The following TSPAN18 variants were observed in gnomAD, a reference collection of about 807,000 sequenced individuals.
TSPAN18 encodes the protein tetraspanin 18.
In TSPAN18, 14 loss-of-function variants were observed where a neutral mutation model predicts 27.3. That is an observed-to-expected ratio of 0.51 (90% confidence interval 0.34 to 0.80). The LOEUF (loss-of-function observed/expected upper bound fraction) is 0.80. TSPAN18 is among the 30% of genes least tolerant of loss of function. The pLI is 0.01. For synonymous variants in TSPAN18, 143 were observed against 136.5 expected (o/e 1.05, Z -0.33); for missense variants, 268 against 323.9 (o/e 0.83, Z 1.32).
At chr11:44,872,728 A>C (rs1590611623) in intron 3 of TSPAN18, among the ~76,000 whole-genome samples, 1 of 152,354 alleles carries the variant, frequency 6.6e-6, no homozygotes, top group East Asian at 1.9e-4. Context: ...TATTATACAA[A>C]AGGGAACTGA....
At position 44,908,775 on chromosome 11, in the gene TSPAN18, GA is replaced by G. The variant is rs1347026262; in HGVS notation, c.64-927del. 2.4e-4 allele frequency among the ~76,000 whole-genome samples: 23 copies of G among 94,680 alleles called. 1 individual carries two copies. The highest frequency in any genetic ancestry group is 3.9e-4 in the Non-Finnish European group (19 of 49,260). The allele number at this position is 94,680 out of a possible 152,430, so 62.1% of individuals were successfully genotyped here. A position where few individuals can be genotyped will look rare whatever the true frequency, so the allele number is the denominator to read the frequency against. Reference sequence around the variant, plus strand: ...GAGAGAGAGAGAGAGAAAGGAGAAAGAAAGAAAGAAAGAAAGAAAGAAAGAA... The same window carrying G: ...GAGAGAGAGAGAGAGAAAGGAGAAAGAAGAAAGAAAGAAAGAAAGAAAGAA... On this transcript the variant is annotated intron_variant, in intron 4 of 9. Transcript: ENST00000520358.
chr11:44,753,214 C>T (rs1392667214), intron 1 of TSPAN18, among the ~76,000 whole-genome samples: 1 of 152,048 alleles, frequency 6.6e-6, no homozygotes. Context: ...CTGCAACCTC[C>T]GACTCCCTGG....
chr11:44,908,791 G>GAA (rs869083723), intron 4 of TSPAN18, among the ~76,000 whole-genome samples: 9 of 59,228 alleles, frequency 1.5e-4, no homozygotes, highest in African/African-American at 5.3e-4. Flanking sequence ...AAGAAAGAAA[G>GAA]AAAGAAAGAA....
chr11:44,737,014 G>A lies in TSPAN18; in HGVS notation c.-240+9727G>A, dbSNP rs551158513. ...TTTGGTTTTCCATGGAGCCTGCAGC[G>A]TGGAGCTCAGTGCCTGGGGTTGAAC... On this transcript the variant is annotated intron_variant, in intron 1 of 9. Coordinates refer to ENST00000520358, the MANE Select transcript of TSPAN18 (RefSeq NM_130783.5). Among the ~76,000 whole-genome samples the A allele has an allele frequency of 1.1e-4, 16 of 152,346 alleles. No homozygotes were observed. The South Asian group carries it at 2.1e-3, about 20-fold the overall frequency.
intron 2 of TSPAN18, among the ~76,000 whole-genome samples, chr11:44,809,290 A>G (rs1187978232): frequency 6.6e-6 from 1 of 151,434 alleles, no homozygotes; most frequent in Non-Finnish European, 1.5e-5. Flanking sequence ...GAGCACTCAT[A>G]TATTTTCCCA....
chr11:44,882,627 C>CACACAGAGAGAG (rs375349718), intron 3 of TSPAN18, among the ~76,000 whole-genome samples: 41 of 130,604 alleles, frequency 3.1e-4, no homozygotes, highest in Non-Finnish European at 6.2e-4. Flanking sequence ...CACACACACA[C>CACACAGAGAGAG]AGAGAGAGAG....
chr11:44,779,096 C>T (rs571126085), intron 2 of TSPAN18, among the ~76,000 whole-genome samples: 39 of 152,246 alleles, frequency 2.6e-4, no homozygotes, highest in Non-Finnish European at 4.4e-5. Flanking sequence ...ATGTATCTGT[C>T]CTGGGAGCCT....
intron 3 of TSPAN18, among the ~76,000 whole-genome samples, chr11:44,867,275 C>T (rs1290384899): frequency 6.6e-6 from 1 of 151,886 alleles, no homozygotes; most frequent in East Asian, 1.9e-4. Context: ...TTGAGGGTCC[C>T]TGAGGGCAAC....
chr11:44,861,545 A>G (rs1857886513), intron 3 of TSPAN18, among the ~76,000 whole-genome samples: 1 of 106,660 alleles, frequency 9.4e-6, no homozygotes, highest in Non-Finnish European at 1.9e-5. Flanking sequence ...GTCAGCCTGA[A>G]TGCATGAGAG....
At chr11:44,881,333 C>T (rs1273802680) in intron 3 of TSPAN18, among the ~76,000 whole-genome samples, 1 of 152,126 alleles carries the variant, frequency 6.6e-6, no homozygotes, top group Non-Finnish European at 1.5e-5. Flanking sequence ...CTTCCCAGAC[C>T]CCAGACCCCT....
intron 1 of TSPAN18, among the ~76,000 whole-genome samples, chr11:44,744,860 C>T (rs1363702313): frequency 2.0e-5 from 3 of 152,160 alleles, no homozygotes; most frequent in East Asian, 3.9e-4. Flanking sequence ...CTTTTCATCG[C>T]AAATGCCAAC....
At chr11:44,884,419 G>C (rs891397210) in intron 3 of TSPAN18, among the ~76,000 whole-genome samples, 6 of 152,182 alleles carry the variant, frequency 3.9e-5, no homozygotes, top group African/African-American at 7.2e-5. Flanking sequence ...GGGTAGAGGG[G>C]CTTGCTGTTT....
Position 44,882,613 on chromosome 11 carries a change from CACACACACACACACAG to C in TSPAN18, c.-11+22146_-11+22161del, listed in dbSNP as rs1459712923. Among the ~76,000 whole-genome samples, 4 of 114,022 alleles carry C rather than the reference CACACACACACACACAG, an allele frequency of 3.5e-5. No homozygotes were observed. In the East Asian group the frequency reaches 8.5e-4, roughly 24 times the overall value. 74.8% of individuals were successfully genotyped at this position (114,022 alleles called of 152,430 possible). A position where few individuals can be genotyped will look rare whatever the true frequency, so the allele number is the denominator to read the frequency against. On this transcript the variant is annotated intron_variant, in intron 3 of 9. Coordinates refer to ENST00000520358, the MANE Select transcript of TSPAN18 (RefSeq NM_130783.5). ...ACACACACACACACACACACACACA[CACACACACACACACAG>C]AGAGAGAGCATGTGCGTGCATGTAT...
chr11:44,903,681 C>T (rs781290577), intron 3 of TSPAN18: 8 of 455,550 alleles, frequency 1.8e-5, no homozygotes, highest in Non-Finnish European at 3.1e-5. Flanking sequence ...AGGATGATGT[C>T]ATCCGATTTT....
intron 3 of TSPAN18, among the ~76,000 whole-genome samples, chr11:44,862,722 A>ACCAT (rs968589791): frequency 6.6e-6 from 1 of 152,200 alleles, no homozygotes; most frequent in Non-Finnish European, 1.5e-5. Flanking sequence ...GATGTCTCAG[A>ACCAT]CAGTGCTAAA....
chr11:44,837,580 G>T (rs1290544801), intron 2 of TSPAN18, among the ~76,000 whole-genome samples: 1 of 152,222 alleles, frequency 6.6e-6, no homozygotes, highest in African/African-American at 2.4e-5. Context: ...TACTGTGGGT[G>T]AAATCCTATC....
chr11:44,860,001 C>A (rs1857834986), intron 2 of TSPAN18, among the ~76,000 whole-genome samples: 1 of 152,206 alleles, frequency 6.6e-6, no homozygotes, highest in Non-Finnish European at 1.5e-5. Flanking sequence ...TTATGTTTTA[C>A]ATAAAAGCAA....
At chr11:44,909,207 G>A (rs1277153056) in intron 4 of TSPAN18, among the ~76,000 whole-genome samples, 1 of 152,200 alleles carries the variant, frequency 6.6e-6, no homozygotes, top group Non-Finnish European at 1.5e-5. Flanking sequence ...CATGGGTGGT[G>A]CAAACACAGC....
At chr11:44,840,926 G>A (rs80162763) in intron 2 of TSPAN18, among the ~76,000 whole-genome samples, 15,260 of 152,048 alleles carry the variant, frequency 0.1, 1,129 homozygotes, top group African/African-American at 0.21. Flanking sequence ...CTCCAAGGGC[G>A]CAGTGAGAAT....
Sources: gnomAD v4.1 joint callset for allele counts (sites outside exome capture counted in the v4.1 genomes callset) on GRCh38, gnomAD v4.1.1 for gene constraint, MANE v1.5 for transcripts, NCBI Gene and HGNC (gene_info 2026-07-23, HGNC 2026-07-21) for gene names.